PRKN: variants seen among roughly 807,000 people sequenced by gnomAD.
PRKN encodes the protein E3 ubiquitin-protein ligase parkin.
Under a neutral mutation model 59.5 loss-of-function variants are expected in PRKN, and 56 were observed. The observed-to-expected ratio is 0.94, with a 90% confidence interval of 0.76 to 1.18. PRKN has a LOEUF of 1.18. Ranked by LOEUF, PRKN falls within the 50% of genes most tolerant of loss-of-function variation. The pLI is 0.00. For missense variants in PRKN, 657 were observed against 596.4 expected (o/e 1.10, Z -1.06); for synonymous variants, 250 against 222.1 (o/e 1.13, Z -1.12).
At chr6:162,651,546 A>C (rs1385583842) in intron 1 of PRKN, among the ~76,000 whole-genome samples, 1 of 152,218 alleles carries the variant, frequency 6.6e-6, no homozygotes, top group Non-Finnish European at 1.5e-5. Flanking sequence ...CTCCGTACCG[A>C]ATTGGTAATT....
At chr6:162,177,977 A>G (rs1783619214) in intron 4 of PRKN, among the ~76,000 whole-genome samples, 1 of 152,182 alleles carries the variant, frequency 6.6e-6, no homozygotes, top group African/African-American at 2.4e-5. Context: ...CATGCCTACC[A>G]AGCTCTGAAA....
intron 1 of PRKN, among the ~76,000 whole-genome samples, chr6:162,612,129 C>G (rs1462130725): frequency 1.4e-4 from 19 of 138,294 alleles, no homozygotes; most frequent in African/African-American, 5.2e-4. Context: ...GGAGGCGGAG[C>G]TTGCAGTGAG....
chr6:161,954,899 C>G (rs1390978509), intron 6 of PRKN, among the ~76,000 whole-genome samples: 1 of 152,182 alleles, frequency 6.6e-6, no homozygotes, highest in African/African-American at 2.4e-5. Flanking sequence ...AGTTTTTCTT[C>G]CTTCCTTTAT....
intron 4 of PRKN, among the ~76,000 whole-genome samples, chr6:162,077,992 C>A (rs71567632): frequency 8.2e-6 from 1 of 122,458 alleles, no homozygotes; most frequent in Non-Finnish European, 1.6e-5. Context: ...CAGAGAGAGA[C>A]TCTCTCTCTA....
chr6:162,674,466 T>G (rs1270173553), intron 1 of PRKN, among the ~76,000 whole-genome samples: 3 of 152,024 alleles, frequency 2.0e-5, no homozygotes, highest in Non-Finnish European at 4.4e-5. Context: ...TAGGGAATAA[T>G]GGTATTGGAA....
At chr6:161,697,675 T>G (rs923818105) in intron 7 of PRKN, among the ~76,000 whole-genome samples, 4 of 152,180 alleles carry the variant, frequency 2.6e-5, no homozygotes, top group African/African-American at 9.7e-5. Flanking sequence ...TGTAAGCCAT[T>G]GGTAAGTTCA....
At chr6:162,195,185 A>T (rs1014436660) in intron 4 of PRKN, among the ~76,000 whole-genome samples, 1 of 152,218 alleles carries the variant, frequency 6.6e-6, no homozygotes, top group Non-Finnish European at 1.5e-5. Flanking sequence ...CATCCAAAAC[A>T]TGCCCTACAA....
rs1778042343 is a variant in PRKN, at chr6:161,503,638, T to TAAGGCA, written c.1083+45215_1083+45216insTGCCTT. On this transcript the variant is annotated intron_variant, in intron 9 of 11. Coordinates refer to ENST00000366898, the MANE Select transcript of PRKN (RefSeq NM_004562.3). This position sits in a 1 kb window ranked among gnomAD's most constrained non-coding sequence, Gnocchi z 5.1. The stretch of plus-strand genomic sequence containing the variant: ...TAGTCTAGCTGGGTTCTAAGGCAGT[T>TAAGGCA]GCTCTGCCCCCAGAGCCCTGCTTCG... 6.6e-6 allele frequency among the ~76,000 whole-genome samples: 1 copy of TAAGGCA among 152,204 alleles called. No homozygotes were observed. Among genetic ancestry groups the TAAGGCA allele is most frequent in the Non-Finnish European group, 1.5e-5 (1 of 68,038 alleles).
intron 9 of PRKN, among the ~76,000 whole-genome samples, chr6:161,412,539 C>T (rs1010521832): frequency 9.9e-5 from 15 of 151,504 alleles, no homozygotes; most frequent in Non-Finnish European, 7.4e-5. Context: ...CGTTCCTCCA[C>T]TCACTCATTC....
chr6:161,963,969 A>G (rs546019941), intron 6 of PRKN, among the ~76,000 whole-genome samples: 26 of 151,088 alleles, frequency 1.7e-4, no homozygotes, highest in African/African-American at 6.4e-4. Context: ...ACAGACACAC[A>G]GGACAACAGC....
chr6:161,798,606 G>A (rs1190889125), intron 6 of PRKN, among the ~76,000 whole-genome samples: 1 of 152,168 alleles, frequency 6.6e-6, no homozygotes, highest in Non-Finnish European at 1.5e-5. Flanking sequence ...TAATGCATAT[G>A]CTGCAAGCAA....
intron 1 of PRKN, among the ~76,000 whole-genome samples, chr6:162,716,019 T>C (rs1047547333): frequency 2.0e-5 from 3 of 152,236 alleles, no homozygotes; most frequent in Admixed American, 6.5e-5. Flanking sequence ...TTACTTTCCA[T>C]GTGTACACAG....
At chr6:162,125,554 C>T (rs181675007) in intron 4 of PRKN, among the ~76,000 whole-genome samples, 185 of 152,236 alleles carry the variant, frequency 1.2e-3, no homozygotes, top group Non-Finnish European at 1.9e-3. Context: ...CACGATTACC[C>T]CTGTGGAAAT....
At chr6:161,757,871 C>CTCTCTCTCTCTCTCTCTCTCTCTCTTTG (rs1380898753) in intron 7 of PRKN, among the ~76,000 whole-genome samples, 2 of 97,984 alleles carry the variant, frequency 2.0e-5, no homozygotes, top group African/African-American at 9.0e-5. Context: ...CTCTCTCTCT[C>CTCTCTCTCTCTCTCTCTCTCTCTCTTTG]TGTGTATATA....
At position 161,397,644 on chromosome 6, in the gene PRKN, T is replaced by C. The variant is rs746909051; in HGVS notation, c.1084-10767A>G. Among the ~76,000 whole-genome samples the C allele has an allele frequency of 1.3e-5, 2 of 152,170 alleles. No individual in the cohort carries two copies. Among genetic ancestry groups the C allele is most frequent in the Non-Finnish European group, 2.9e-5 (2 of 68,036 alleles). On this transcript the variant is annotated intron_variant, in intron 9 of 11. Transcript: ENST00000366898. This position sits in a 1 kb window ranked among gnomAD's most constrained non-coding sequence, Gnocchi z 4.2. ...CACTTCTAATTCCACGTGATTATCA[T>C]GAAGTTGCAAGGACCTAACAGAATA...
rs578212347 is a variant in PRKN, at chr6:162,346,236, C to T, written c.172-83471G>A. On this transcript the variant is annotated intron_variant, in intron 2 of 11. Transcript: ENST00000366898. ...GTGGACTGGTCATAATGAATATAAT[C>T]GTGTTTTTTCCCAATCTTAAAAATA... Among the ~76,000 whole-genome samples, 106 of 152,168 alleles carry T rather than the reference C, an allele frequency of 7.0e-4. 1 individual carries two copies. The South Asian group carries it at 0.014, about 20-fold the overall frequency.
chr6:161,452,747 C>T (rs1489549423), intron 9 of PRKN, among the ~76,000 whole-genome samples: 3 of 152,060 alleles, frequency 2.0e-5, no homozygotes, highest in Non-Finnish European at 4.4e-5. Flanking sequence ...TGACTAGATT[C>T]TTCATGGTGA....
At chr6:161,850,637 T>C (rs1238219194) in intron 6 of PRKN, among the ~76,000 whole-genome samples, 1 of 152,096 alleles carries the variant, frequency 6.6e-6, no homozygotes. Flanking sequence ...TTTTCTTGTT[T>C]GTCTTTATGA....
chr6:162,636,884 C>T (rs941792642), intron 1 of PRKN, among the ~76,000 whole-genome samples: 1 of 151,840 alleles, frequency 6.6e-6, no homozygotes, highest in African/African-American at 2.4e-5. Flanking sequence ...TGCTTGAGCC[C>T]AGGAGCTCAA....
Sources: allele counts gnomAD v4.1 joint callset (sites outside exome capture counted in the v4.1 genomes callset), GRCh38; gene constraint gnomAD v4.1.1; non-coding constraint Gnocchi (gnomAD v3.1); transcripts MANE v1.5; gene names NCBI Gene and HGNC (gene_info 2026-07-23, HGNC 2026-07-21).